EXOC4: variants seen among roughly 807,000 people sequenced by gnomAD.
The protein encoded by EXOC4 is SEC8-like 1.
In EXOC4, 71 loss-of-function variants were observed where a neutral mutation model predicts 107.2. The observed-to-expected ratio is 0.66, with a 90% CI of 0.55 to 0.81. The LOEUF (loss-of-function observed/expected upper bound fraction) is 0.81, where lower values mean the gene tolerates loss of function less well. EXOC4 is among the 30% of genes least tolerant of loss of function. The pLI is 0.00. For missense variants in EXOC4, 1,108 were observed against 1,189.6 expected (o/e 0.93, Z 1.01); for synonymous variants, 456 against 441.2 (o/e 1.03, Z -0.42).
intron 10 of EXOC4, among the ~76,000 whole-genome samples, chr7:133,684,907 G>A (rs566726840): frequency 1.5e-4 from 23 of 152,228 alleles, no homozygotes; most frequent in South Asian, 4.1e-4. Context: ...TTTTTATAAA[G>A]CATGTAATTT....
At chr7:133,435,337 T>G (rs1797944826) in intron 7 of EXOC4, among the ~76,000 whole-genome samples, 1 of 152,226 alleles carries the variant, frequency 6.6e-6, no homozygotes. Flanking sequence ...TCTGTCTTTT[T>G]TTTCCTTGCT....
intron 9 of EXOC4, among the ~76,000 whole-genome samples, chr7:133,500,565 A>G (rs1449758699): frequency 2.0e-5 from 3 of 152,030 alleles, no homozygotes; most frequent in Non-Finnish European, 4.4e-5. Flanking sequence ...GGTTGTTTCC[A>G]GTTTTTACTT....
chr7:133,475,483 A>G lies in EXOC4; in HGVS notation c.1328+10A>G, dbSNP rs748270141. On this transcript the variant is annotated intron_variant, in intron 8 of 17. Coordinates refer to ENST00000253861, the MANE Select transcript of EXOC4 (RefSeq NM_021807.4). ...AAAATTCTCTTTTCAAGTAAGTATT[A>G]TTCTGCTGTTAATAGGTTTTAAGAA... 1 of 1,612,724 alleles carries G rather than the reference A, an allele frequency of 6.2e-7. No homozygotes were observed. Among genetic ancestry groups the G allele is most frequent in the South Asian group, 1.1e-5 (1 of 90,924 alleles).
intron 7 of EXOC4, among the ~76,000 whole-genome samples, chr7:133,456,877 A>G (rs1467421661): frequency 3.3e-5 from 5 of 152,202 alleles, no homozygotes; most frequent in Non-Finnish European, 7.3e-5. Context: ...TTTGAAGAAC[A>G]CAGATAACAC....
chr7:134,034,762 G>GTCA (rs1188387763), intron 17 of EXOC4, among the ~76,000 whole-genome samples: 8 of 152,188 alleles, frequency 5.3e-5, no homozygotes, highest in African/African-American at 1.9e-4. Flanking sequence ...GACTAATACA[G>GTCA]GTTGTAAGTG....
chr7:133,378,415 AC>A (rs1796538744), intron 7 of EXOC4, among the ~76,000 whole-genome samples: 1 of 151,468 alleles, frequency 6.6e-6, no homozygotes, highest in Admixed American at 6.6e-5. Flanking sequence ...GAATATGTGG[AC>A]AAAAAAAAAA....
chr7:133,462,479 G>C (rs1798618121), intron 7 of EXOC4, among the ~76,000 whole-genome samples: 1 of 152,166 alleles, frequency 6.6e-6, no homozygotes, highest in African/African-American at 2.4e-5. Context: ...GAAGAAGGTA[G>C]AGATAACAGC....
At chr7:133,314,194 A>G (rs557365778) in intron 4 of EXOC4, among the ~76,000 whole-genome samples, 2 of 152,252 alleles carry the variant, frequency 1.3e-5, no homozygotes, top group South Asian at 2.1e-4. Flanking sequence ...ACTGAGGTCC[A>G]TATTACTTAA....
At chr7:133,506,742 T>A (rs936369116) in intron 9 of EXOC4, among the ~76,000 whole-genome samples, 15 of 152,246 alleles carry the variant, frequency 9.9e-5, no homozygotes, top group East Asian at 3.9e-4. Flanking sequence ...ACCATTTTTT[T>A]AATTTAAATT....
chr7:133,777,933 GTGCTTTC>G (rs1309466894), intron 10 of EXOC4, among the ~76,000 whole-genome samples: 10 of 152,140 alleles, frequency 6.6e-5, no homozygotes, highest in African/African-American at 2.4e-4. Context: ...GTAATAGTCT[GTGCTTTC>G]TGGAATTACA....
intron 9 of EXOC4, among the ~76,000 whole-genome samples, chr7:133,526,342 A>G (rs749677482): frequency 6.6e-6 from 1 of 152,186 alleles, no homozygotes; most frequent in Non-Finnish European, 1.5e-5. Flanking sequence ...ATTCAAGTTG[A>G]TATCAGGTTA....
the EXOC4 span, among the ~76,000 whole-genome samples, chr7:134,087,978 T>A: frequency 1.3e-5 from 2 of 152,196 alleles, no homozygotes; most frequent in Non-Finnish European, 2.9e-5. Flanking sequence ...TAGACAAGAC[T>A]TTTTTAGAGC....
chr7:133,416,051 C>G (rs1330759737), intron 7 of EXOC4, among the ~76,000 whole-genome samples: 1 of 152,124 alleles, frequency 6.6e-6, no homozygotes, highest in East Asian at 1.9e-4. Flanking sequence ...TAAAAAACAA[C>G]AAAACTTTAT....
chr7:133,898,764 A>G (rs1442314339), intron 12 of EXOC4, among the ~76,000 whole-genome samples: 6 of 148,618 alleles, frequency 4.0e-5, no homozygotes, highest in African/African-American at 1.5e-4. Context: ...AAAAAAAAAA[A>G]AAAAAGAGTT....
chr7:133,360,474 C>T (rs1228051946), intron 6 of EXOC4, among the ~76,000 whole-genome samples: 2 of 152,150 alleles, frequency 1.3e-5, no homozygotes, highest in African/African-American at 4.8e-5. Flanking sequence ...GTGCAGAAGG[C>T]GTTGAGTGAG....
At chr7:134,000,207 C>A (rs1042525889) in intron 15 of EXOC4, among the ~76,000 whole-genome samples, 8 of 152,144 alleles carry the variant, frequency 5.3e-5, no homozygotes, top group Non-Finnish European at 1.2e-4. Context: ...TAGCAGAATA[C>A]ACCACATAAG....
intron 17 of EXOC4, among the ~76,000 whole-genome samples, chr7:134,043,094 C>T (rs1448006103): frequency 2.0e-5 from 3 of 152,122 alleles, no homozygotes; most frequent in Non-Finnish European, 4.4e-5. Flanking sequence ...CAGTCTCCCT[C>T]ATGGGTTCGG....
At chr7:133,564,506 A>AT (rs1472020395) in intron 9 of EXOC4, among the ~76,000 whole-genome samples, 2 of 151,866 alleles carry the variant, frequency 1.3e-5, no homozygotes, top group Non-Finnish European at 2.9e-5. Flanking sequence ...TCAAGCTCCT[A>AT]TTTTTTTTGT....
intron 9 of EXOC4, among the ~76,000 whole-genome samples, chr7:133,535,445 C>A (rs919543558): frequency 1.3e-5 from 2 of 152,126 alleles, no homozygotes; most frequent in South Asian, 2.1e-4. Context: ...AGTTTACAAT[C>A]CTATCTGAAT....
Sources: gnomAD v4.1 joint callset for allele counts (sites outside exome capture counted in the v4.1 genomes callset) on GRCh38, gnomAD v4.1.1 for gene constraint, MANE v1.5 for transcripts, NCBI Gene and HGNC (gene_info 2026-07-23, HGNC 2026-07-21) for gene names.